XKR9: variants seen among roughly 807,000 people sequenced by gnomAD.
XKR9 encodes the protein XK-related protein 9.
A neutral mutation model predicts 32.0 loss-of-function variants in XKR9; 32 were observed. That is an observed-to-expected ratio of 1.00 (90% confidence interval 0.76 to 1.34). The LOEUF is 1.34. Ranked by LOEUF, XKR9 falls within the 40% of genes most tolerant of loss-of-function variation. The pLI is 0.00. For missense variants in XKR9, 546 were observed against 429.7 expected (o/e 1.27, Z -2.39); for synonymous variants, 168 against 143.4 (o/e 1.17, Z -1.22).
intron 4 of XKR9, among the ~76,000 whole-genome samples, chr8:70,718,213 A>G (rs189915558): frequency 1.0e-3 from 152 of 152,008 alleles, no homozygotes; most frequent in African/African-American, 3.4e-3. Context: ...GACTGTTCCA[A>G]CCTCAGCCTG....
At chr8:70,854,338 C>T in the XKR9 span, among the ~76,000 whole-genome samples, 2 of 152,174 alleles carry the variant, frequency 1.3e-5, no homozygotes, top group Admixed American at 1.3e-4. Context: ...TGAGAAGTGT[C>T]TGTTCATATC....
At chr8:70,936,872 T>C in the XKR9 span, among the ~76,000 whole-genome samples, 2 of 152,102 alleles carry the variant, frequency 1.3e-5, no homozygotes, top group Non-Finnish European at 2.9e-5. Context: ...TTTTGTCTTT[T>C]TCTTTGATAT....
At chr8:71,053,058 A>G in the XKR9 span, among the ~76,000 whole-genome samples, 2 of 152,232 alleles carry the variant, frequency 1.3e-5, no homozygotes, top group African/African-American at 2.4e-5. Flanking sequence ...AGGTATAGGT[A>G]AGAGCTAGGA....
intron 3 of XKR9, among the ~76,000 whole-genome samples, chr8:70,702,768 C>A (rs1805583700): frequency 6.6e-6 from 1 of 152,094 alleles, no homozygotes; most frequent in South Asian, 2.1e-4. Context: ...TTGGTGATTT[C>A]CTTTCAAACT....
the XKR9 span, among the ~76,000 whole-genome samples, chr8:70,934,287 T>G: frequency 6.6e-6 from 1 of 152,014 alleles, no homozygotes; most frequent in Non-Finnish European, 1.5e-5. Flanking sequence ...TTGCCAATAC[T>G]AACATCTCTC....
chr8:70,947,298 A>C, the XKR9 span, among the ~76,000 whole-genome samples: 2 of 152,254 alleles, frequency 1.3e-5, no homozygotes, highest in Non-Finnish European at 2.9e-5. Context: ...CATACTGAGA[A>C]CAGTCCCTTC....
chr8:70,794,873 C>T (rs1807809307), downstream of XKR9, among the ~76,000 whole-genome samples: 4 of 144,700 alleles, frequency 2.8e-5, no homozygotes, highest in South Asian at 8.5e-4. Flanking sequence ...ATTTTGTTAT[C>T]AGGATAATAC....
chr8:70,937,065 A>G, the XKR9 span, among the ~76,000 whole-genome samples: 1 of 151,974 alleles, frequency 6.6e-6, no homozygotes, highest in Non-Finnish European at 1.5e-5. Context: ...ATTACAGCAC[A>G]TACCTCCAGG....
At chr8:70,792,103 C>T (rs936611764), downstream of XKR9, among the ~76,000 whole-genome samples, 1 of 152,004 alleles carries the variant, frequency 6.6e-6, no homozygotes, top group East Asian at 1.9e-4. Flanking sequence ...AGTGTTTTTG[C>T]AATTTAGAGA....
the XKR9 span, among the ~76,000 whole-genome samples, chr8:71,058,331 G>A: frequency 1.3e-5 from 2 of 152,170 alleles, no homozygotes; most frequent in African/African-American, 4.8e-5. Context: ...TAGCTACAGT[G>A]GACCTTTCAG....
the XKR9 span, among the ~76,000 whole-genome samples, chr8:70,873,607 G>C: frequency 6.6e-6 from 1 of 152,194 alleles, no homozygotes; most frequent in African/African-American, 2.4e-5. Context: ...AGATGTGACT[G>C]AATTGCTGCA....
chr8:70,868,495 T>A, the XKR9 span, among the ~76,000 whole-genome samples: 1 of 151,282 alleles, frequency 6.6e-6, no homozygotes, highest in Admixed American at 6.6e-5. Flanking sequence ...TCTGAAGCTA[T>A]GGCCCGAGCT....
chr8:70,703,270 T>C (rs1449320758), intron 3 of XKR9, among the ~76,000 whole-genome samples: 1 of 152,130 alleles, frequency 6.6e-6, no homozygotes, highest in Non-Finnish European at 1.5e-5. Flanking sequence ...CTTTGTGCTT[T>C]AGTTTGGGTG....
chr8:70,836,268 G>C, the XKR9 span, among the ~76,000 whole-genome samples: 1 of 151,982 alleles, frequency 6.6e-6, no homozygotes, highest in African/African-American at 2.4e-5. Flanking sequence ...GCTGAGTTTT[G>C]ACAAATGAAT....
the XKR9 span, among the ~76,000 whole-genome samples, chr8:71,047,832 G>A: frequency 1.4e-4 from 21 of 152,080 alleles, no homozygotes; most frequent in Admixed American, 6.5e-5. Flanking sequence ...ATTTGTATGC[G>A]GAAATCTACT....
rs544515803 is a variant in XKR9, at chr8:70,730,577, A to ATT, written c.494-3210_494-3209dup. On this transcript the variant is annotated intron_variant, in intron 4 of 4. Transcript: ENST00000408926. Reference sequence around the variant, plus strand: ...AAAGTGTTTTAAAGAGATGGTAAGCATTTTTTTTTTAAATAAGATTTATAA... The same window carrying ATT: ...AAAGTGTTTTAAAGAGATGGTAAGCATTTTTTTTTTTTAAATAAGATTTATAA... Among the ~76,000 whole-genome samples, 18 of 132,996 alleles carry ATT rather than the reference A, an allele frequency of 1.4e-4. 1 individual carries two copies. Among genetic ancestry groups the ATT allele is most frequent in the South Asian group, 4.4e-4 (2 of 4,584 alleles). The allele number at this position is 132,996 out of a possible 152,430, so 87.3% of individuals were successfully genotyped here.
At chr8:70,990,762 A>AGAGG in the XKR9 span, among the ~76,000 whole-genome samples, 1 of 151,384 alleles carries the variant, frequency 6.6e-6, no homozygotes, top group African/African-American at 2.4e-5. Flanking sequence ...AGAGAGAGAG[A>AGAGG]GAGAGAAAGA....
intron 1 of XKR9, among the ~76,000 whole-genome samples, chr8:70,672,718 C>T (rs939378385): frequency 1.3e-5 from 2 of 152,128 alleles, no homozygotes; most frequent in East Asian, 1.9e-4. Context: ...TCTACATCCT[C>T]TGCAGCATCT....
the XKR9 span, among the ~76,000 whole-genome samples, chr8:70,953,473 G>A: frequency 6.6e-5 from 10 of 152,128 alleles, no homozygotes; most frequent in Middle Eastern, 3.4e-3. Flanking sequence ...CACCGTGCCC[G>A]GCTAATTTTT....
Sources: allele counts gnomAD v4.1 joint callset (sites outside exome capture counted in the v4.1 genomes callset), GRCh38; gene constraint gnomAD v4.1.1; transcripts MANE v1.5; gene names NCBI Gene and HGNC (gene_info 2026-07-23, HGNC 2026-07-21).